Variants in NEK11 observed in about 807,000 individuals in gnomAD.
NEK11 encodes the protein NIMA related kinase 11, also known as serine/threonine-protein kinase Nek11.
NEK11 carries 72 observed loss-of-function variants against 80.7 expected under a neutral mutation model. The ratio of observed to expected loss-of-function variants is 0.89; its 90% CI spans 0.74 to 1.08. The LOEUF is 1.08. Among genes scored for constraint, NEK11 ranks in the 50% least tolerant of loss-of-function variants. The pLI, the probability that NEK11 is intolerant of heterozygous loss-of-function variation, is 0.00. For missense variants in NEK11, 764 were observed against 763.6 expected, an observed-to-expected ratio of 1.00 and a Z score of -0.01; for synonymous variants, 251 against 260.7, an observed-to-expected ratio of 0.96 and a Z score of 0.36.
intron 14 of NEK11, chr3:131,174,794 G>GT: frequency 1.9e-6 from 3 of 1,610,822 alleles, no homozygotes; most frequent in Non-Finnish European, 1.7e-6. Flanking sequence ...TCAGAGCAGT[G>GT]TTTTTTCCAA....
At chr3:131,342,982 T>C (rs905872400) in intron 17 of NEK11, among the ~76,000 whole-genome samples, 1 of 152,182 alleles carries the variant, frequency 6.6e-6, no homozygotes, top group Non-Finnish European at 1.5e-5. Flanking sequence ...AAGTCATTGA[T>C]ACCATAGTGA....
chr3:131,269,631 T>A (rs1043029014), intron 16 of NEK11, among the ~76,000 whole-genome samples: 1 of 152,188 alleles, frequency 6.6e-6, no homozygotes, highest in African/African-American at 2.4e-5. Context: ...CCGCCTTCTG[T>A]GTTGATCTCA....
chr3:131,249,725 A>G (rs1425717221), intron 16 of NEK11, among the ~76,000 whole-genome samples: 1 of 152,166 alleles, frequency 6.6e-6, no homozygotes, highest in Non-Finnish European at 1.5e-5. Flanking sequence ...GACAGCATTT[A>G]CCAGCCTGAG....
intron 17 of NEK11, among the ~76,000 whole-genome samples, chr3:131,334,723 A>C (rs1262253883): frequency 6.6e-6 from 1 of 152,208 alleles, no homozygotes; most frequent in Admixed American, 6.5e-5. Context: ...GACCGCTAGC[A>C]AGATTAATAA....
chr3:131,053,046 A>T (rs2068716253), intron 3 of NEK11, among the ~76,000 whole-genome samples: 1 of 152,170 alleles, frequency 6.6e-6, no homozygotes, highest in Non-Finnish European at 1.5e-5. Context: ...GCATTAATGT[A>T]CCAAGGAGCC....
intron 14 of NEK11, among the ~76,000 whole-genome samples, chr3:131,186,813 A>G (rs1560859908): frequency 1.3e-5 from 2 of 152,170 alleles, no homozygotes; most frequent in African/African-American, 2.4e-5. Context: ...CAATGGAAAT[A>G]TTTAGGTAAT....
intron 4 of NEK11, among the ~76,000 whole-genome samples, chr3:131,097,004 C>A (rs1429957191): frequency 1.3e-5 from 2 of 150,502 alleles, no homozygotes; most frequent in Admixed American, 1.3e-4. Flanking sequence ...TTTGTCCTTG[C>A]GATAGTTTAC....
chr3:131,288,475 G>A (rs1314278659), intron 17 of NEK11, among the ~76,000 whole-genome samples: 5 of 88,910 alleles, frequency 5.6e-5, no homozygotes, highest in African/African-American at 1.8e-4. Flanking sequence ...TTTTTGAGAC[G>A]GAGTTTCACT....
chr3:131,164,336 C>T (rs181107969), intron 11 of NEK11, among the ~76,000 whole-genome samples: 71 of 152,286 alleles, frequency 4.7e-4, no homozygotes, highest in African/African-American at 1.5e-3. Context: ...GATATTTACA[C>T]AATCTGCTCT....
intron 17 of NEK11, among the ~76,000 whole-genome samples, chr3:131,333,057 A>C (rs1013374270): frequency 1.8e-4 from 27 of 152,212 alleles, no homozygotes; most frequent in African/African-American, 6.5e-4. Context: ...GATATTATCC[A>C]AGAGAACTTC....
intron 16 of NEK11, among the ~76,000 whole-genome samples, chr3:131,257,434 G>C (rs1427842): frequency 1.3e-5 from 2 of 152,070 alleles, no homozygotes; most frequent in African/African-American, 4.8e-5. Flanking sequence ...CCTTACAAGG[G>C]AAATGAGAAT....
chr3:131,290,360 A>G (rs1478321144), intron 17 of NEK11, among the ~76,000 whole-genome samples: 2 of 152,244 alleles, frequency 1.3e-5, no homozygotes, highest in East Asian at 1.9e-4. Flanking sequence ...CTGCTGTTGT[A>G]TCAGCTCGTA....
intron 14 of NEK11, among the ~76,000 whole-genome samples, chr3:131,225,611 A>G (rs796754603): frequency 1.3e-5 from 2 of 152,352 alleles, no homozygotes; most frequent in African/African-American, 2.4e-5. Flanking sequence ...CTTAAATAAC[A>G]CAGTGTTACA....
At chr3:131,184,680 A>T (rs1411088765) in intron 14 of NEK11, 8 of 946,370 alleles carry the variant, frequency 8.5e-6, no homozygotes, top group Non-Finnish European at 1.1e-5. Flanking sequence ...CATCTATAAA[A>T]TTTTTCTCTT....
intron 14 of NEK11, among the ~76,000 whole-genome samples, chr3:131,184,290 C>G (rs2093501963): frequency 6.6e-6 from 1 of 152,128 alleles, no homozygotes; most frequent in Admixed American, 6.6e-5. Context: ...TCAGTAGCAT[C>G]CTGAGAATTT....
At chr3:131,331,744 T>C (rs989871416) in intron 17 of NEK11, among the ~76,000 whole-genome samples, 3 of 152,086 alleles carry the variant, frequency 2.0e-5, no homozygotes, top group African/African-American at 7.2e-5. Flanking sequence ...ACCTGGAAAA[T>C]CGGGTCACTC....
intron 14 of NEK11, among the ~76,000 whole-genome samples, chr3:131,185,196 TA>T (rs1376014892): frequency 6.6e-6 from 1 of 152,120 alleles, no homozygotes; most frequent in Non-Finnish European, 1.5e-5. Flanking sequence ...TACGTGAAAA[TA>T]TTTTTTTAGT....
chr3:131,107,258 A>G (rs922122482), intron 4 of NEK11, among the ~76,000 whole-genome samples: 4 of 152,034 alleles, frequency 2.6e-5, no homozygotes, highest in Non-Finnish European at 5.9e-5. Context: ...TGGGACCATA[A>G]TTTTTGTACA....
chr3:131,208,690 A>G (rs1191285430), intron 14 of NEK11, among the ~76,000 whole-genome samples: 3 of 152,094 alleles, frequency 2.0e-5, no homozygotes, highest in African/African-American at 7.2e-5. Flanking sequence ...ATCCCTTGTA[A>G]GTTGGATTCC....
Sources: gnomAD v4.1 joint callset for allele counts (sites outside exome capture counted in the v4.1 genomes callset) on GRCh38, gnomAD v4.1.1 for gene constraint, MANE v1.5 for transcripts, NCBI Gene and HGNC (gene_info 2026-07-23, HGNC 2026-07-21) for gene names.